The following MKNK1 variants were observed in gnomAD, a reference collection of about 807,000 sequenced individuals.
The protein encoded by MKNK1 is MAP kinase-interacting serine/threonine-protein kinase 1.
In MKNK1, 30 loss-of-function variants were observed where a neutral mutation model predicts 49.3. The observed-to-expected ratio is 0.61, with a 90% CI of 0.46 to 0.83. The LOEUF (loss-of-function observed/expected upper bound fraction) is 0.83. Ranked by LOEUF, MKNK1 falls within the 40% of genes least tolerant of loss-of-function variation. The pLI, the probability that MKNK1 is intolerant of heterozygous loss-of-function variation, is 0.00. For missense variants in MKNK1, 423 were observed against 524.7 expected, an observed-to-expected ratio of 0.81 and a Z score of 1.89; for synonymous variants, 176 against 201.7, an observed-to-expected ratio of 0.87 and a Z score of 1.08.
At chr1:46,587,814 T>C (rs1672790201) in intron 2 of MKNK1, among the ~76,000 whole-genome samples, 1 of 150,824 alleles carries the variant, frequency 6.6e-6, no homozygotes, top group Non-Finnish European at 1.5e-5. Flanking sequence ...TGAAACTCCG[T>C]CTCAAAAAAA....
At chr1:46,593,093 C>T (rs1456659949) in intron 2 of MKNK1, among the ~76,000 whole-genome samples, 1 of 152,176 alleles carries the variant, frequency 6.6e-6, no homozygotes, top group Non-Finnish European at 1.5e-5. Flanking sequence ...TATTCATAAT[C>T]TCCCAGGCAT....
intron 8 of MKNK1, among the ~76,000 whole-genome samples, chr1:46,567,132 G>C (rs1669204808): frequency 6.6e-6 from 1 of 152,156 alleles, no homozygotes; most frequent in Non-Finnish European, 1.5e-5. Context: ...TTGTGGAGAT[G>C]GGGTCTCGCT....
intron 1 of MKNK1, among the ~76,000 whole-genome samples, chr1:46,595,983 C>A (rs9804165): frequency 0.29 from 44,857 of 152,084 alleles, 6,729 homozygotes; most frequent in Admixed American, 0.38. Context: ...CCTGAGCTCA[C>A]GTGATTTGCC....
Position 46,559,305 on chromosome 1 carries a change from G to T in MKNK1, c.1014-505C>A, listed in dbSNP as rs1667514964. Reference sequence around the variant, plus strand: ...CTAAAGGCATCTGGAGGCTGCTCTAGAGAGTCAGGTAGGAACCCAAATTGG... The same window carrying T: ...CTAAAGGCATCTGGAGGCTGCTCTATAGAGTCAGGTAGGAACCCAAATTGG... On this transcript the variant is annotated intron_variant, in intron 12 of 12. Transcript: ENST00000371945. Among the ~76,000 whole-genome samples, 15 of 152,260 alleles carry T rather than the reference G, an allele frequency of 9.9e-5. No individual in the cohort carries two copies. The South Asian group carries it at 3.1e-3, about 31-fold the overall frequency.
At position 46,562,818 on chromosome 1, in the gene MKNK1, G is replaced by A. The variant is rs12030004; in HGVS notation, c.635C>T (p.Pro212Leu). 6.2e-7 allele frequency: 1 copy of A among 1,612,716 alleles called. No individual in the cohort carries two copies. Among genetic ancestry groups the A allele is most frequent in the Non-Finnish European group, 8.5e-7 (1 of 1,179,464 alleles). ...GTCCGTGAAGACCTCCACTACCTCA[G>A]GGGCCATGTATTCTGCAGAGCCACA... Reference protein sequence around the residue: ...TPCGSAEYMAPEVVEVFTDQA... With the variant: ...TPCGSAEYMALEVVEVFTDQA... The change falls in exon 10 of 13, where the codon CCT becomes CTT. Residue 212 changes from proline (P) to leucine (L), a missense_variant. Transcript: ENST00000371945.
At chr1:46,571,596 A>G (rs1670152143) in intron 7 of MKNK1, 1 of 404,288 alleles carries the variant, frequency 2.5e-6, no homozygotes, top group Admixed American at 3.2e-5. Flanking sequence ...TGTGAACAAG[A>G]TATATTAAAC....
chr1:46,568,680 A>C (rs1324307281), intron 7 of MKNK1, 182 bp from the exon 8 acceptor site: 25 of 613,062 alleles, frequency 4.1e-5, no homozygotes, highest in Non-Finnish European at 6.9e-5. Flanking sequence ...AGCACAGTTG[A>C]TTCTGCGGGT....
intron 3 of MKNK1, among the ~76,000 whole-genome samples, chr1:46,581,094 C>T (rs554242713): frequency 1.3e-4 from 19 of 151,998 alleles, no homozygotes; most frequent in Admixed American, 8.5e-4. Flanking sequence ...CTCTAAGGGT[C>T]GCAGTCCAGT....
chr1:46,577,713 C>A (rs1015684752), intron 4 of MKNK1, among the ~76,000 whole-genome samples: 2 of 152,176 alleles, frequency 1.3e-5, no homozygotes, highest in Admixed American at 1.3e-4. Context: ...ACACTTTTAC[C>A]TGAGATGCTT....
At chr1:46,576,966 A>T (rs998977168) in intron 4 of MKNK1, among the ~76,000 whole-genome samples, 4 of 152,182 alleles carry the variant, frequency 2.6e-5, no homozygotes, top group Non-Finnish European at 5.9e-5. Flanking sequence ...TACCTTACTC[A>T]GCTCCACCTC....
chr1:46,568,758 A>G, intron 7 of MKNK1: 1 of 492,488 alleles, frequency 2.0e-6, no homozygotes, highest in Non-Finnish European at 3.7e-6. Context: ...CAGCCAGCCT[A>G]CCCCTCAGTA....
Position 46,558,701 on chromosome 1 carries a change from T to C in MKNK1, c.1113A>G (p.Pro371=). Residue 371 remains proline (P), a synonymous_variant, in exon 13 of 13, where the codon CCA becomes CCG. Transcript: ENST00000371945. ...AGCAGAGGCCATCAGCTAGTGCCTC[T>C]GGCTCCTCTGCTAGTTCGTTCTCTT... ...QHEENELAEE[P]EALADGLCSM... is the part of the protein sequence containing the mutation. The C allele has an allele frequency of 6.2e-7, 1 of 1,614,280 alleles. No individual in the cohort carries two copies. Among genetic ancestry groups the C allele is most frequent in the South Asian group, 1.1e-5 (1 of 91,086 alleles).
At chr1:46,592,868 A>G (rs1379276619) in intron 2 of MKNK1, among the ~76,000 whole-genome samples, 1 of 152,176 alleles carries the variant, frequency 6.6e-6, no homozygotes. Flanking sequence ...AACCAAAGTC[A>G]GGTCACCATA....
chr1:46,592,385 G>A (rs188248148), intron 2 of MKNK1, among the ~76,000 whole-genome samples: 5 of 152,314 alleles, frequency 3.3e-5, no homozygotes, highest in Middle Eastern at 3.4e-3. Flanking sequence ...ATCTTAGTAC[G>A]ATTACAAAAA....
chr1:46,584,338 G>C (rs1432995719), intron 2 of MKNK1, among the ~76,000 whole-genome samples: 1 of 152,146 alleles, frequency 6.6e-6, no homozygotes, highest in Non-Finnish European at 1.5e-5. Context: ...GAAATAATAA[G>C]ATTTCTCCGA....
intron 6 of MKNK1, chr1:46,572,439 C>G: frequency 3.8e-6 from 1 of 259,850 alleles, no homozygotes; most frequent in Non-Finnish European, 7.8e-6. Context: ...AGGCTGGTCT[C>G]GAACTCCCGA....
intron 2 of MKNK1, chr1:46,593,804 G>A (rs1453103829): frequency 1.2e-5 from 2 of 173,904 alleles, no homozygotes; most frequent in East Asian, 1.5e-4. Flanking sequence ...TGCCGTGAGC[G>A]GAGATTGCAC....
chr1:46,564,038 CTG>C (rs1668530007), intron 9 of MKNK1, among the ~76,000 whole-genome samples: 1 of 33,976 alleles, frequency 2.9e-5, no homozygotes, highest in Non-Finnish European at 5.1e-5. Context: ...GAGCAAGACT[CTG>C]TCTCAAAAAA....
At chr1:46,578,792 C>T (rs1160747294) in intron 4 of MKNK1, among the ~76,000 whole-genome samples, 2 of 151,438 alleles carry the variant, frequency 1.3e-5, no homozygotes, top group African/African-American at 2.4e-5. Flanking sequence ...CTTGCTCTGT[C>T]GCCCAGGCTG....
Sources: allele counts gnomAD v4.1 joint callset (sites outside exome capture counted in the v4.1 genomes callset), GRCh38; gene constraint gnomAD v4.1.1; transcripts MANE v1.5; gene names NCBI Gene and HGNC (gene_info 2026-07-23, HGNC 2026-07-21).